KCNH8: variants seen among roughly 807,000 people sequenced by gnomAD.
The protein encoded by KCNH8 is voltage-gated delayed rectifier potassium channel KCNH8.
A neutral mutation model predicts 103.6 loss-of-function variants in KCNH8; 70 were observed. That is an observed-to-expected ratio of 0.68 (90% CI 0.56 to 0.82). KCNH8 has a LOEUF of 0.82. KCNH8 is among the 40% of genes least tolerant of loss of function. The pLI is 0.00. For synonymous variants in KCNH8, 498 were observed against 489.4 expected, an observed-to-expected ratio of 1.02 and a Z score of -0.23; for missense variants, 1,217 against 1,329.9, an observed-to-expected ratio of 0.92 and a Z score of 1.32.
In KCNH8 at chr3:19,454,144, C is replaced by CTGTGTGTGTGTG. The variant is rs372400109; in HGVS notation, c.1826-2582_1826-2571dup. 1.3e-4 allele frequency among the ~76,000 whole-genome samples: 17 copies of CTGTGTGTGTGTG among 131,610 alleles called. No individual in the cohort carries two copies. In the East Asian group the frequency reaches 2.0e-3, roughly 16 times the overall value. The allele number at this position is 131,610 out of a possible 152,430, so 86.3% of individuals were successfully genotyped here. The stretch of plus-strand genomic sequence containing the variant: ...GTAACTCAATATTAGAGTAAGGCTT[C>CTGTGTGTGTGTG]TGTGTGTGTGTGTGTGTGTGTGTGT... On this transcript the variant is annotated intron_variant, in intron 10 of 15. Transcript: ENST00000328405.
chr3:19,246,767 A>G (rs1271244806), intron 1 of KCNH8, among the ~76,000 whole-genome samples: 2 of 152,150 alleles, frequency 1.3e-5, no homozygotes, highest in African/African-American at 2.4e-5. Flanking sequence ...TTTAATGTGT[A>G]TATGAATCTT....
At chr3:19,242,812 C>G (rs185855482) in intron 1 of KCNH8, among the ~76,000 whole-genome samples, 74 of 152,180 alleles carry the variant, frequency 4.9e-4, no homozygotes, top group African/African-American at 1.5e-3. Context: ...AATAAGCAAC[C>G]CAGGAGATTC....
chr3:19,389,020 C>T (rs1263622986), intron 5 of KCNH8, among the ~76,000 whole-genome samples: 1 of 152,150 alleles, frequency 6.6e-6, no homozygotes, highest in Non-Finnish European at 1.5e-5. Context: ...TGGGCTCATA[C>T]GAAGAACCTG....
intron 12 of KCNH8, among the ~76,000 whole-genome samples, chr3:19,511,490 C>T (rs770402756): frequency 6.6e-6 from 1 of 152,080 alleles, no homozygotes; most frequent in African/African-American, 2.4e-5. Context: ...TTAGAGAATG[C>T]GCTCATTGTT....
intron 11 of KCNH8, among the ~76,000 whole-genome samples, chr3:19,492,838 T>C (rs1353053004): frequency 1.5e-4 from 5 of 34,000 alleles, no homozygotes; most frequent in Non-Finnish European, 3.1e-4. Context: ...TTCGTGTGTG[T>C]GTGTGTGTGT....
intron 11 of KCNH8, among the ~76,000 whole-genome samples, chr3:19,475,948 A>T (rs2067964772): frequency 6.6e-6 from 1 of 152,174 alleles, no homozygotes; most frequent in African/African-American, 2.4e-5. Context: ...TCCACGCACC[A>T]ATTTTGAGTA....
At chr3:19,282,760 G>A (rs2064774999) in intron 3 of KCNH8, among the ~76,000 whole-genome samples, 1 of 152,024 alleles carries the variant, frequency 6.6e-6, no homozygotes, top group African/African-American at 2.4e-5. Context: ...TAACAGCGGT[G>A]AAGTATACCT....
intron 7 of KCNH8, among the ~76,000 whole-genome samples, chr3:19,430,504 C>T (rs1403637059): frequency 6.6e-6 from 1 of 151,394 alleles, no homozygotes; most frequent in Non-Finnish European, 1.5e-5. Context: ...AAATAGTTTT[C>T]TTCTAGTTTT....
At chr3:19,352,993 C>T (rs746073824) in intron 5 of KCNH8, among the ~76,000 whole-genome samples, 16 of 151,010 alleles carry the variant, frequency 1.1e-4, no homozygotes, top group Non-Finnish European at 2.1e-4. Context: ...ACTAGCAAGA[C>T]TAATAAAGAA....
intron 1 of KCNH8, among the ~76,000 whole-genome samples, chr3:19,249,867 G>A (rs183809756): frequency 8.5e-5 from 13 of 152,252 alleles, no homozygotes; most frequent in Admixed American, 6.5e-4. Context: ...TTCACTGCAT[G>A]AATGATCTAC....
chr3:19,503,113 CA>C, intron 11 of KCNH8, among the ~76,000 whole-genome samples: 1 of 144,796 alleles, frequency 6.9e-6, no homozygotes, highest in South Asian at 2.3e-4. Context: ...AAAAAGTGGG[CA>C]AAGGACATGA....
intron 15 of KCNH8, among the ~76,000 whole-genome samples, chr3:19,521,284 C>T (rs559309522): frequency 5.9e-5 from 9 of 152,122 alleles, no homozygotes; most frequent in Admixed American, 5.9e-4. Context: ...AGAGAATTCA[C>T]TTTGGAAAGA....
intron 5 of KCNH8, among the ~76,000 whole-genome samples, chr3:19,376,549 C>G (rs2066208812): frequency 6.6e-6 from 1 of 152,172 alleles, no homozygotes; most frequent in Non-Finnish European, 1.5e-5. Context: ...ATGCAGAAAT[C>G]ACCCGTCTTC....
In KCNH8 at chr3:19,321,289, G is replaced by C. The variant is rs544720435; in HGVS notation, c.443-21298G>C. Among the ~76,000 whole-genome samples, 7 of 151,740 alleles carry C rather than the reference G, an allele frequency of 4.6e-5. No individual in the cohort carries two copies. In the East Asian group the frequency reaches 7.8e-4, roughly 17 times the overall value. ...GTGCGACCTTAGATTGTCTATTTTT[G>C]CTCTTTCAGACTTTTTGATGTGAAC... On this transcript the variant is annotated intron_variant, in intron 3 of 15. Transcript: ENST00000328405.
chr3:19,182,530 C>T (rs1379283585), intron 1 of KCNH8, among the ~76,000 whole-genome samples: 2 of 152,256 alleles, frequency 1.3e-5, no homozygotes, highest in East Asian at 3.9e-4. Flanking sequence ...GACTCCGTCC[C>T]CCCAAGAAAA....
chr3:19,272,786 C>CT (rs1179954224), intron 2 of KCNH8, among the ~76,000 whole-genome samples: 1 of 152,148 alleles, frequency 6.6e-6, no homozygotes, highest in Non-Finnish European at 1.5e-5. Flanking sequence ...CTCCTTTACC[C>CT]TGCTCTCCTT....
Position 19,260,168 on chromosome 3 carries a change from C to T in KCNH8, c.310+6281C>T, listed in dbSNP as rs146384171. ...TAGCTGCATATTTTAGCTTCAAATA[C>T]ACATTTTAACTAATATGTACATATT... On this transcript the variant is annotated intron_variant, in intron 2 of 15. Coordinates refer to ENST00000328405, the MANE Select transcript of KCNH8 (RefSeq NM_144633.3). Among the ~76,000 whole-genome samples, 654 of 151,648 alleles carry T rather than the reference C, an allele frequency of 4.3e-3. 5 individuals are homozygous for T. The highest frequency in any genetic ancestry group is 0.014 in the African/African-American group (600 of 41,434).
At chr3:19,225,614 AT>A (rs148522890) in intron 1 of KCNH8, among the ~76,000 whole-genome samples, 1,944 of 152,220 alleles carry the variant, frequency 0.013, 48 homozygotes, top group African/African-American at 0.043. Flanking sequence ...AATTCTTATA[AT>A]TCCCTTTTTA....
chr3:19,492,533 T>A (rs2068345308), intron 11 of KCNH8, among the ~76,000 whole-genome samples: 1 of 152,184 alleles, frequency 6.6e-6, no homozygotes, highest in South Asian at 2.1e-4. Context: ...TTGGTCTGTG[T>A]GTCTGTTTTT....
Sources: gnomAD v4.1 joint callset for allele counts (sites outside exome capture counted in the v4.1 genomes callset) on GRCh38, gnomAD v4.1.1 for gene constraint, MANE v1.5 for transcripts, NCBI Gene and HGNC (gene_info 2026-07-23, HGNC 2026-07-21) for gene names.